Variants in PCDH15 observed in about 807,000 individuals in gnomAD.
The protein encoded by PCDH15 is protocadherin related 15.
A neutral mutation model predicts 178.5 loss-of-function variants in PCDH15; 129 were observed. That is an observed-to-expected ratio of 0.72 (90% CI 0.63 to 0.84). The LOEUF is 0.84. PCDH15 is among the 40% of genes least tolerant of loss of function. PCDH15 has a pLI of 0.00. For synonymous variants in PCDH15, 800 were observed against 732.0 expected (o/e 1.09, Z -1.50); for missense variants, 2,230 against 2,099.9 (o/e 1.06, Z -1.21).
chr10:54,548,778 T>C (rs922816941), intron 2 of PCDH15, among the ~76,000 whole-genome samples: 3 of 151,258 alleles, frequency 2.0e-5, no homozygotes, highest in Admixed American at 2.0e-4. Context: ...CATTTTCCTG[T>C]GTCTTTGAAG....
intron 1 of PCDH15, among the ~76,000 whole-genome samples, chr10:54,691,650 A>G (rs1235236122): frequency 6.6e-6 from 1 of 151,746 alleles, no homozygotes; most frequent in Non-Finnish European, 1.5e-5. Context: ...CATCGTCTAC[A>G]TTTTTATATT....
chr10:53,879,080 C>T (rs998964577), intron 26 of PCDH15, among the ~76,000 whole-genome samples: 2 of 147,628 alleles, frequency 1.4e-5, no homozygotes, highest in African/African-American at 2.5e-5. Context: ...TAGCTATCTT[C>T]CTGATCTCTT....
At chr10:55,156,842 T>C (rs1280808990) in intron 2 of PCDH15, among the ~76,000 whole-genome samples, 1 of 152,100 alleles carries the variant, frequency 6.6e-6, no homozygotes, top group Non-Finnish European at 1.5e-5. Context: ...TTGGTGACTG[T>C]TGAAAGTGTT....
chr10:54,214,484 T>C lies in PCDH15; in HGVS notation c.986-436A>G, dbSNP rs2051787965. Among the ~76,000 whole-genome samples, 3 of 152,338 alleles carry C rather than the reference T, an allele frequency of 2.0e-5. No individual in the cohort carries two copies. In the South Asian group the frequency reaches 6.2e-4, roughly 32 times the overall value. ...ATGCTTGGAAATTAATGTGAACATA[T>C]TTTGTTGCATATATTATTTCTTAAG... On this transcript the variant is annotated intron_variant, in intron 9 of 37. Coordinates refer to ENST00000644397, the MANE Select transcript of PCDH15 (RefSeq NM_001384140.1).
intron 23 of PCDH15, among the ~76,000 whole-genome samples, chr10:53,946,253 T>C (rs1232497699): frequency 1.3e-5 from 2 of 152,074 alleles, no homozygotes; most frequent in African/African-American, 4.8e-5. Flanking sequence ...AGGGAAGCAT[T>C]TGAGTTCCTA....
chr10:54,212,241 T>C (rs2051518771), intron 10 of PCDH15, among the ~76,000 whole-genome samples: 2 of 152,132 alleles, frequency 1.3e-5, no homozygotes, highest in South Asian at 4.1e-4. Flanking sequence ...TATACTCTCA[T>C]AATAATTAAC....
chr10:54,535,709 C>CAAAAAAA (rs71010382), intron 2 of PCDH15, among the ~76,000 whole-genome samples: 10 of 42,580 alleles, frequency 2.3e-4, no homozygotes, highest in Admixed American at 3.7e-4. Flanking sequence ...GACTCCACCT[C>CAAAAAAA]AAAAAAAAAA....
intron 15 of PCDH15, 25 bp downstream of exon 15, chr10:54,132,850 C>CACAT (rs1395562740): frequency 6.3e-7 from 1 of 1,597,138 alleles, no homozygotes; most frequent in South Asian, 1.1e-5. Flanking sequence ...TACACACACA[C>CACAT]ACACACACAC....
chr10:54,881,138 T>C (rs1329927973), intron 3 of PCDH15, among the ~76,000 whole-genome samples: 1 of 152,086 alleles, frequency 6.6e-6, no homozygotes, highest in Admixed American at 6.6e-5. Context: ...TGATCTGTGA[T>C]GGTTTCATAT....
chr10:54,793,652 A>T (rs963458966), intron 1 of PCDH15, among the ~76,000 whole-genome samples: 2 of 149,114 alleles, frequency 1.3e-5, no homozygotes, highest in Non-Finnish European at 3.0e-5. Context: ...ATATATGTAT[A>T]TATATGCTTA....
chr10:54,347,527 G>A (rs1360353432), intron 5 of PCDH15, among the ~76,000 whole-genome samples: 2 of 152,046 alleles, frequency 1.3e-5, no homozygotes, highest in African/African-American at 4.8e-5. Flanking sequence ...TTTTGACTAG[G>A]ATTCCTTGAT....
chr10:54,541,498 T>C (rs2085221587), intron 2 of PCDH15, among the ~76,000 whole-genome samples: 1 of 152,150 alleles, frequency 6.6e-6, no homozygotes, highest in African/African-American at 2.4e-5. Context: ...AACTCTTTTT[T>C]GATACATACA....
At chr10:55,076,660 T>A (rs1188762531) in intron 2 of PCDH15, among the ~76,000 whole-genome samples, 6 of 151,762 alleles carry the variant, frequency 4.0e-5, no homozygotes. Flanking sequence ...GGTTTCACCA[T>A]GTTGCCTAGG....
At chr10:54,207,149 A>G (rs1037816832) in intron 10 of PCDH15, among the ~76,000 whole-genome samples, 3 of 152,148 alleles carry the variant, frequency 2.0e-5, no homozygotes, top group African/African-American at 7.2e-5. Context: ...GACAGCCACT[A>G]TATTCAACTG....
At chr10:54,000,866 A>G (rs2092099293) in intron 20 of PCDH15, among the ~76,000 whole-genome samples, 1 of 152,184 alleles carries the variant, frequency 6.6e-6, no homozygotes, top group Admixed American at 6.5e-5. Context: ...GATTTAACCC[A>G]AAGAACACTA....
rs1337632123 is a variant in PCDH15 at position 55,107,627 on chromosome 10, T to C, written c.-80+58949A>G. ...CTGCTTCAAACTCCCAAGTAGCTTG[T>C]ATTGCAGGTGCGCACCACCATGCCT... On this transcript the variant is annotated intron_variant, in intron 2 of 5. Transcript: ENST00000458638. Among the ~76,000 whole-genome samples, 12 of 151,614 alleles carry C rather than the reference T, an allele frequency of 7.9e-5. No individual in the cohort carries two copies. The East Asian group carries it at 2.4e-3, about 30-fold the overall frequency.
At chr10:53,936,541 C>T (rs959586229) in intron 25 of PCDH15, among the ~76,000 whole-genome samples, 10 of 151,888 alleles carry the variant, frequency 6.6e-5, no homozygotes, top group East Asian at 1.9e-4. Flanking sequence ...GGAGGTTCAC[C>T]GTAATATTCT....
At chr10:54,322,656 A>T (rs1397705901) in intron 7 of PCDH15, among the ~76,000 whole-genome samples, 1 of 151,830 alleles carries the variant, frequency 6.6e-6, no homozygotes, top group Non-Finnish European at 1.5e-5. Flanking sequence ...CCAACCAAAA[A>T]AAGCACTGGA....
chr10:55,051,969 G>A (rs898082378), intron 2 of PCDH15, among the ~76,000 whole-genome samples: 1 of 152,046 alleles, frequency 6.6e-6, no homozygotes, highest in Non-Finnish European at 1.5e-5. Flanking sequence ...CCCATAGATA[G>A]GGTGGAGCAA....
Sources: gnomAD v4.1 joint callset for allele counts (sites outside exome capture counted in the v4.1 genomes callset) on GRCh38, gnomAD v4.1.1 for gene constraint, MANE v1.5 for transcripts, NCBI Gene and HGNC (gene_info 2026-07-23, HGNC 2026-07-21) for gene names.